TECRL: variants seen among roughly 807,000 people sequenced by gnomAD.
TECRL encodes the protein trans-2,3-enoyl-CoA reductase like.
In TECRL, 63 loss-of-function variants were observed where a neutral mutation model predicts 52.8. That is an observed-to-expected ratio of 1.19 (90% CI 0.97 to 1.47). The LOEUF is 1.47. Ranked by LOEUF, TECRL falls within the 40% of genes most tolerant of loss-of-function variation. TECRL has a pLI of 0.00. For synonymous variants in TECRL, 164 were observed against 141.9 expected (o/e 1.16, Z -1.10); for missense variants, 482 against 429.6 (o/e 1.12, Z -1.08).
intron 2 of TECRL, among the ~76,000 whole-genome samples, chr4:64,355,299 A>C (rs1009392072): frequency 6.6e-6 from 1 of 152,298 alleles, no homozygotes. Flanking sequence ...AATGTACTGT[A>C]GATTGTCAGA....
chr4:64,305,050 A>G (rs946218644), intron 7 of TECRL, 116 bp downstream of exon 7: 1 of 693,772 alleles, frequency 1.4e-6, no homozygotes, highest in African/African-American at 1.8e-5. Context: ...ATGATATGAA[A>G]GCAATTTAAA....
intron 2 of TECRL, among the ~76,000 whole-genome samples, chr4:64,334,788 C>T (rs758646417): frequency 7.9e-5 from 12 of 152,122 alleles, no homozygotes; most frequent in Admixed American, 6.5e-4. Context: ...GCCTGTGATA[C>T]GAAGCACAAA....
At chr4:64,309,693 AG>A (rs1256306570) in intron 6 of TECRL, 132 bp downstream of exon 6, 7 of 689,448 alleles carry the variant, frequency 1.0e-5, no homozygotes, top group Non-Finnish European at 1.6e-5. Context: ...TTTTAGGAAA[AG>A]AATGTTTAAG....
chr4:64,367,481 G>C (rs190545918), intron 2 of TECRL, among the ~76,000 whole-genome samples: 2 of 151,998 alleles, frequency 1.3e-5, no homozygotes, highest in Admixed American at 6.6e-5. Context: ...GCATGTATGT[G>C]GGCAAAAAAC....
chr4:64,353,063 G>C (rs1452722204), intron 2 of TECRL, among the ~76,000 whole-genome samples: 1 of 152,048 alleles, frequency 6.6e-6, no homozygotes, highest in Non-Finnish European at 1.5e-5. Context: ...TACTGGACTA[G>C]TTGTATTTTT....
At chr4:64,395,634 A>G (rs745834729) in intron 1 of TECRL, among the ~76,000 whole-genome samples, 6 of 152,208 alleles carry the variant, frequency 3.9e-5, no homozygotes, top group Admixed American at 2.6e-4. Flanking sequence ...AAATACAAAT[A>G]CATTATATAA....
chr4:64,346,908 T>A (rs565890231), intron 2 of TECRL, among the ~76,000 whole-genome samples: 1 of 152,350 alleles, frequency 6.6e-6, no homozygotes, highest in Admixed American at 6.5e-5. Flanking sequence ...CTGAAAAATT[T>A]ATCGCTACTG....
intron 2 of TECRL, among the ~76,000 whole-genome samples, chr4:64,332,556 A>G (rs1297958473): frequency 1.3e-5 from 2 of 152,228 alleles, no homozygotes; most frequent in Admixed American, 6.5e-5. Context: ...GGGGAAATTA[A>G]AAAGGTATTA....
At chr4:64,337,497 G>T (rs956543378) in intron 2 of TECRL, among the ~76,000 whole-genome samples, 1 of 152,160 alleles carries the variant, frequency 6.6e-6, no homozygotes, top group African/African-American at 2.4e-5. Context: ...GTCCCTGTTT[G>T]CAGATGACAT....
At chr4:64,372,097 G>A (rs188982228) in intron 2 of TECRL, among the ~76,000 whole-genome samples, 12 of 151,760 alleles carry the variant, frequency 7.9e-5, no homozygotes, top group Admixed American at 6.6e-4. Flanking sequence ...TTCCTCTATG[G>A]AATACTTGTG....
chr4:64,391,673 A>G (rs1723559511), intron 1 of TECRL, among the ~76,000 whole-genome samples: 1 of 151,874 alleles, frequency 6.6e-6, no homozygotes, highest in South Asian at 2.1e-4. Context: ...AGTATATAGT[A>G]GGTACATTCA....
chr4:64,358,044 C>A (rs1261612216), intron 2 of TECRL, among the ~76,000 whole-genome samples: 1 of 151,460 alleles, frequency 6.6e-6, no homozygotes, highest in Non-Finnish European at 1.5e-5. Flanking sequence ...AGTCTCTTTT[C>A]TGCTCACCAA....
intron 4 of TECRL, among the ~76,000 whole-genome samples, chr4:64,321,240 T>C (rs1717876739): frequency 6.6e-6 from 1 of 151,984 alleles, no homozygotes; most frequent in African/African-American, 2.4e-5. Context: ...ATATTTTAAT[T>C]AATAAATTTA....
chr4:64,335,753 T>C (rs1453109439), intron 2 of TECRL, among the ~76,000 whole-genome samples: 2 of 152,194 alleles, frequency 1.3e-5, no homozygotes, highest in Non-Finnish European at 2.9e-5. Flanking sequence ...ATTTACATGA[T>C]TGTATGTCAG....
chr4:64,332,914 A>T lies in TECRL; in HGVS notation c.287-4358T>A, dbSNP rs545600454. On this transcript the variant is annotated intron_variant, in intron 2 of 11. Coordinates refer to ENST00000381210, the MANE Select transcript of TECRL (RefSeq NM_001010874.5). ...GTGTGAGAATAAAAAAGTTAAAGAA[A>T]AGTGAAAAAGCTATATATTGAATGA... Among the ~76,000 whole-genome samples the T allele has an allele frequency of 1.1e-4, 17 of 152,212 alleles. 1 individual carries two copies. Among genetic ancestry groups the T allele is most frequent in the African/African-American group, 3.9e-4 (16 of 41,552 alleles).
At chr4:64,363,942 C>T (rs1721402305) in intron 2 of TECRL, among the ~76,000 whole-genome samples, 1 of 152,086 alleles carries the variant, frequency 6.6e-6, no homozygotes, top group African/African-American at 2.4e-5. Flanking sequence ...CTACATAATA[C>T]TGCACCCCTA....
intron 4 of TECRL, among the ~76,000 whole-genome samples, chr4:64,319,854 A>C (rs1717775645): frequency 6.6e-6 from 1 of 151,970 alleles, no homozygotes; most frequent in Non-Finnish European, 1.5e-5. Flanking sequence ...TCAATCTCAA[A>C]ATATTGTCTG....
chr4:64,339,274 G>T (rs933270332), intron 2 of TECRL, among the ~76,000 whole-genome samples: 4 of 121,128 alleles, frequency 3.3e-5, no homozygotes, highest in Non-Finnish European at 6.7e-5. Context: ...CACACTCTGG[G>T]GCCTGTTGTG....
intron 2 of TECRL, among the ~76,000 whole-genome samples, chr4:64,369,372 T>C (rs959895840): frequency 6.6e-6 from 1 of 152,182 alleles, no homozygotes; most frequent in Admixed American, 6.6e-5. Flanking sequence ...CATATGACCT[T>C]AGACAGGGAT....
Sources: allele counts gnomAD v4.1 joint callset (sites outside exome capture counted in the v4.1 genomes callset), GRCh38; gene constraint gnomAD v4.1.1; transcripts MANE v1.5; gene names NCBI Gene and HGNC (gene_info 2026-07-23, HGNC 2026-07-21).